Variants in ABCA8 observed in about 807,000 individuals in gnomAD.
ABCA8 encodes the protein ATP binding cassette subfamily A member 8, also known as ABC-type organic anion transporter ABCA8.
A neutral mutation model predicts 192.3 loss-of-function variants in ABCA8; 177 were observed. The ratio of observed to expected loss-of-function variants is 0.92; its 90% confidence interval spans 0.81 to 1.04. The LOEUF (loss-of-function observed/expected upper bound fraction) is 1.04. Ranked by LOEUF, ABCA8 falls within the 50% of genes least tolerant of loss-of-function variation. ABCA8 has a pLI of 0.00. For missense variants in ABCA8, 1,915 were observed against 1,904.8 expected, an observed-to-expected ratio of 1.01 and a Z score of -0.10; for synonymous variants, 642 against 690.2, an observed-to-expected ratio of 0.93 and a Z score of 1.09.
chr17:68,953,951 A>T (rs2068640638), intron 1 of ABCA8, among the ~76,000 whole-genome samples: 1 of 152,156 alleles, frequency 6.6e-6, no homozygotes, highest in South Asian at 2.1e-4. Context: ...ACAGTGAGCT[A>T]GCCTACAGAG....
At chr17:68,891,092 A>C (rs1323067423) in intron 24 of ABCA8, among the ~76,000 whole-genome samples, 1 of 152,204 alleles carries the variant, frequency 6.6e-6, no homozygotes, top group Non-Finnish European at 1.5e-5. Flanking sequence ...TTTATTGAAA[A>C]TCAATTGATA....
At chr17:68,884,439 T>C in intron 27 of ABCA8, 43 bp from the exon 28 acceptor site, 3 of 1,541,266 alleles carry the variant, frequency 1.9e-6, no homozygotes, top group Non-Finnish European at 2.6e-6. Flanking sequence ...GTTTTTTGTT[T>C]CCTGAATTTT....
chr17:68,948,076 C>A (rs1042981001), intron 2 of ABCA8, among the ~76,000 whole-genome samples: 1 of 152,180 alleles, frequency 6.6e-6, no homozygotes, highest in African/African-American at 2.4e-5. Context: ...GACATGATCT[C>A]ATTCTTTTTC....
intron 29 of ABCA8, among the ~76,000 whole-genome samples, chr17:68,883,092 C>A (rs2066373204): frequency 6.6e-6 from 1 of 152,142 alleles, no homozygotes; most frequent in Admixed American, 6.6e-5. Context: ...TCTCTCATTT[C>A]TTCAGAATAT....
rs529735521 is a variant in ABCA8, at chr17:68,902,221, A to G, written c.2764+492T>C. On this transcript the variant is annotated intron_variant, in intron 21 of 39. Coordinates refer to ENST00000586539, the MANE Select transcript of ABCA8 (RefSeq NM_001288985.2). ...CCACATGTTGTATGAGTCCAGTGAT[A>G]TTACATGTTCAGAGTAGACAGATCA... 1.7e-4 allele frequency among the ~76,000 whole-genome samples: 26 copies of G among 152,356 alleles called. No individual in the cohort carries two copies. In the South Asian group the frequency reaches 5.4e-3, roughly 32 times the overall value.
At chr17:68,914,808 G>A (rs2067314294) in intron 17 of ABCA8, among the ~76,000 whole-genome samples, 1 of 151,936 alleles carries the variant, frequency 6.6e-6, no homozygotes, top group South Asian at 2.1e-4. Flanking sequence ...TATTTATATG[G>A]AACCACAAAA....
At chr17:68,945,226 A>G (rs368862228) in intron 2 of ABCA8, among the ~76,000 whole-genome samples, 3 of 152,124 alleles carry the variant, frequency 2.0e-5, no homozygotes, top group African/African-American at 7.2e-5. Flanking sequence ...GTATCTCAGT[A>G]TTAGAATTTG....
In ABCA8 at chr17:68,937,090, A is replaced by C. The variant is rs2068088994; in HGVS notation, c.327T>G (p.Asp109Glu). The change falls in exon 5 of 40, where the codon GAT becomes GAG. Residue 109 changes from aspartate to glutamate, a missense_variant. By Grantham distance (45) the Asp-to-Glu change is conservative (BLOSUM62 2). Coordinates refer to ENST00000586539, the MANE Select transcript of ABCA8 (RefSeq NM_001288985.2). ...CTGTGAATTCTTTAATACTTTCCTC[A>C]TCTGGCAGTCCCAAGACCTCTTTAC... ...LAGKEVLGLPDEESIKEFTAN... is the reference protein window; with the variant it reads ...LAGKEVLGLPEEESIKEFTAN... 1.2e-6 allele frequency: 2 copies of C among 1,608,312 alleles called. No individual in the cohort carries two copies. The highest frequency in any genetic ancestry group is 1.7e-5 in the Admixed American group (1 of 58,868).
rs374360241 is a variant in ABCA8, at chr17:68,918,097, C to T, written c.1997G>A (p.Arg666His). Residue 666 changes from arginine (R) to histidine (H), a missense_variant, in exon 16 of 40, where the codon CGC becomes CAC. Coordinates refer to ENST00000586539, the MANE Select transcript of ABCA8 (RefSeq NM_001288985.2). ...WNLLKERKTD[R>H]VILFSTQFMD... ...GAACTGGGTACTGAAGAGGATCACG[C>T]GGTCTGTTTTGCGTTCTTTCAGAAG... The T allele has an allele frequency of 1.1e-4, 178 of 1,614,158 alleles. No homozygotes were observed. Among genetic ancestry groups the T allele is most frequent in the East Asian group, 2.2e-4 (10 of 44,876 alleles).
Position 68,891,522 on chromosome 17 carries a change from A to T in ABCA8, c.3111T>A (p.Pro1037=). 1.2e-6 allele frequency: 2 copies of T among 1,613,148 alleles called. No homozygotes were observed. Among genetic ancestry groups the T allele is most frequent in the Non-Finnish European group, 1.7e-6 (2 of 1,179,644 alleles). ...CATCGATGCTGCTCATGGCAATGTA[A>T]GGTGGGCAACTCGATGTTAAAACCA... is the stretch of plus-strand genomic sequence containing the variant. ...FWLVLTSSCP[P]YIAMSSIDDY... The change falls in exon 24 of 40, where the codon CCT becomes CCA. Residue 1037 remains proline, a synonymous_variant. Transcript: ENST00000586539.
intron 17 of ABCA8, 75 bp downstream of exon 17, chr17:68,917,286 T>A: frequency 1.2e-6 from 1 of 849,278 alleles, no homozygotes; most frequent in Non-Finnish European, 1.9e-6. Flanking sequence ...AAATTCTTCT[T>A]GTGTGTTGTA....
intron 2 of ABCA8, among the ~76,000 whole-genome samples, chr17:68,948,390 C>T (rs534551018): frequency 6.6e-6 from 1 of 152,216 alleles, no homozygotes; most frequent in Non-Finnish European, 1.5e-5. Context: ...TATTTCTTTA[C>T]AGTCTTGTCA....
chr17:68,929,869 T>C (rs931039753), intron 7 of ABCA8, among the ~76,000 whole-genome samples, 167 bp from the exon 8 acceptor site: 10 of 151,394 alleles, frequency 6.6e-5, no homozygotes, highest in Admixed American at 6.0e-4. Flanking sequence ...GTAAAAGTTT[T>C]GGGCAGAATT....
At chr17:68,902,652 GT>G in intron 21 of ABCA8, 60 bp downstream of exon 21, 1 of 1,336,158 alleles carries the variant, frequency 7.5e-7, no homozygotes, top group Non-Finnish European at 1.0e-6. Context: ...TCATGGTTAT[GT>G]TTTCTAAGTA....
At chr17:68,947,621 T>G (rs1453897189) in intron 2 of ABCA8, among the ~76,000 whole-genome samples, 1 of 152,210 alleles carries the variant, frequency 6.6e-6, no homozygotes, top group Non-Finnish European at 1.5e-5. Context: ...TTAACGAAGG[T>G]TCAATTAATT....
At chr17:68,944,556 A>G (rs1402621030) in intron 2 of ABCA8, 1 of 151,486 alleles carries the variant, frequency 6.6e-6, no homozygotes, top group Non-Finnish European at 1.5e-5. Flanking sequence ...AAAAATCAGC[A>G]GCTAATGAGG....
chr17:68,929,540 A>T (rs1475338834), intron 8 of ABCA8, 21 bp downstream of exon 8: 1 of 1,605,328 alleles, frequency 6.2e-7, no homozygotes, highest in African/African-American at 1.3e-5. Flanking sequence ...GGATGGAAAG[A>T]TATTTAATTC....
At chr17:68,928,175 A>G in intron 9 of ABCA8, 112 bp from the exon 10 acceptor site, 3 of 855,680 alleles carry the variant, frequency 3.5e-6, no homozygotes, top group Non-Finnish European at 5.1e-6. Context: ...CTGAGAATAG[A>G]GTTATATAGG....
At chr17:68,921,513 G>T in intron 12 of ABCA8, 21 bp from the exon 13 acceptor site, 1 of 1,504,932 alleles carries the variant, frequency 6.6e-7, no homozygotes, top group South Asian at 1.2e-5. Context: ...AAAAAGAAAG[G>T]AAAGAAAGAT....
Sources: gnomAD v4.1 joint callset for allele counts (sites outside exome capture counted in the v4.1 genomes callset) on GRCh38, gnomAD v4.1.1 for gene constraint, MANE v1.5 for transcripts, NCBI Gene and HGNC (gene_info 2026-07-23, HGNC 2026-07-21) for gene names.